CNNM2: variants seen among roughly 807,000 people sequenced by gnomAD.
The protein encoded by CNNM2 is metal transporter CNNM2.
In CNNM2, 12 loss-of-function variants were observed where a neutral mutation model predicts 66.9. The observed-to-expected ratio is 0.18, with a 90% CI of 0.11 to 0.29. CNNM2 has a LOEUF of 0.29. Among genes scored for constraint, CNNM2 ranks in the 10% least tolerant of loss-of-function variants. The pLI, the probability that CNNM2 is intolerant of heterozygous loss-of-function variation, is 1.00. For missense variants in CNNM2, 705 were observed against 1,167.7 expected (o/e 0.60, Z 5.77); for synonymous variants, 557 against 501.8 (o/e 1.11, Z -1.47).
rs1451868189 is a variant in CNNM2 at position 102,931,547 on chromosome 10, G to A, written c.1621+11446G>A. Among the ~76,000 whole-genome samples the A allele has an allele frequency of 6.6e-6, 1 of 151,948 alleles. No homozygotes were observed. Among genetic ancestry groups the A allele is most frequent in the Non-Finnish European group, 1.5e-5 (1 of 67,960 alleles). The stretch of plus-strand genomic sequence containing the variant: ...TAATTTTGTATTTTTAGTAGAGACG[G>A]GGTTTCTCCATGTTGGTCAGGCTGG... On this transcript the variant is annotated intron_variant, in intron 1 of 7. Coordinates refer to ENST00000369878, the MANE Select transcript of CNNM2 (RefSeq NM_017649.5).
In CNNM2 at chr10:102,920,033, A is replaced by G; in HGVS notation, c.1553A>G (p.Tyr518Cys). The G allele has an allele frequency of 1.2e-6, 2 of 1,614,200 alleles. No individual in the cohort carries two copies. Among genetic ancestry groups the G allele is most frequent in the Non-Finnish European group, 1.7e-6 (2 of 1,180,028 alleles). Residue 518 changes from tyrosine (Y) to cysteine (C), a missense_variant, in exon 1 of 8, where the codon TAT becomes TGT. Physicochemically the swap from Tyr to Cys is radical, Grantham distance 194. This residue lies in a region of CNNM2 where 171 missense variants were observed against 304.8 expected (regional missense o/e 0.56). Coordinates refer to ENST00000369878, the MANE Select transcript of CNNM2 (RefSeq NM_017649.5). ...CTPLKTITKFYNHPLHFVFND... is the reference protein window; with the variant it reads ...CTPLKTITKFCNHPLHFVFND... ...CCCCTGAAAACCATCACCAAATTTTATAACCACCCCTTGCACTTTGTTTTC... is the reference window on the plus strand; with the variant it reads ...CCCCTGAAAACCATCACCAAATTTTGTAACCACCCCTTGCACTTTGTTTTC...
chr10:102,995,788 G>A (rs549350503), intron 1 of CNNM2, among the ~76,000 whole-genome samples: 1 of 151,916 alleles, frequency 6.6e-6, no homozygotes, highest in African/African-American at 2.4e-5. Flanking sequence ...GTGCAGTGGC[G>A]TGATCTCGGC....
intron 1 of CNNM2, among the ~76,000 whole-genome samples, chr10:102,969,973 A>G (rs2063524733): frequency 6.6e-6 from 1 of 152,192 alleles, no homozygotes; most frequent in South Asian, 2.1e-4. Context: ...AAAGCTCTTG[A>G]AAGAATTTTT....
intron 6 of CNNM2, among the ~76,000 whole-genome samples, chr10:103,072,533 C>T (rs931520491): frequency 6.6e-6 from 1 of 151,912 alleles, no homozygotes; most frequent in African/African-American, 2.4e-5. Flanking sequence ...GCAGGCGACC[C>T]CGCTTCTCCC....
At chr10:103,005,696 A>G (rs531173457) in intron 1 of CNNM2, among the ~76,000 whole-genome samples, 24 of 152,308 alleles carry the variant, frequency 1.6e-4, no homozygotes, top group Middle Eastern at 3.4e-3. Context: ...ATGGAACAAT[A>G]TTGGTAAATT....
intron 1 of CNNM2, among the ~76,000 whole-genome samples, chr10:103,047,881 C>T (rs759304247): frequency 3.3e-5 from 5 of 152,132 alleles, no homozygotes; most frequent in Admixed American, 1.3e-4. Flanking sequence ...GAAGCTGTTA[C>T]GCTCGTGGCT....
intron 1 of CNNM2, among the ~76,000 whole-genome samples, chr10:102,999,815 C>A (rs1206965781): frequency 2.0e-5 from 3 of 152,170 alleles, no homozygotes; most frequent in African/African-American, 4.8e-5. Context: ...TAGGGAAATG[C>A]AAATTAAAAC....
intron 1 of CNNM2, among the ~76,000 whole-genome samples, chr10:102,950,759 GAAAA>G (rs1455513003): frequency 6.6e-6 from 1 of 151,700 alleles, no homozygotes; most frequent in Non-Finnish European, 1.5e-5. Flanking sequence ...TCAAAAAAAA[GAAAA>G]AGAAAATAAT....
At position 103,085,034 on chromosome 10, in the gene CNNM2, C is replaced by T. The variant is rs915122749; in HGVS notation, c.*7854C>T. On this transcript the variant is annotated 3_prime_UTR_variant, in exon 8 of 8. Coordinates refer to ENST00000369878, the MANE Select transcript of CNNM2 (RefSeq NM_017649.5). ...CTCTTATTTTCAAGCAGTCCCAGGA[C>T]AAAGGGATGGTTCTAGGGCCCTTTT... 6.6e-6 allele frequency: 1 copy of T among 152,118 alleles called. No individual in the cohort carries two copies. Among genetic ancestry groups the T allele is most frequent in the African/African-American group, 2.4e-5 (1 of 41,410 alleles). The allele number at this position is 152,118 out of a possible 1,614,324, so 9.4% of individuals were successfully genotyped here. A position where few individuals can be genotyped will look rare whatever the true frequency, so the allele number is the denominator to read the frequency against.
At chr10:102,939,239 G>A (rs1846343791) in intron 1 of CNNM2, among the ~76,000 whole-genome samples, 1 of 152,192 alleles carries the variant, frequency 6.6e-6, no homozygotes, top group African/African-American at 2.4e-5. Flanking sequence ...TTCAGTGCAG[G>A]ATCAGAGGCT....
Position 103,089,766 on chromosome 10 carries a change from A to G in CNNM2, c.*12586A>G, listed in dbSNP as rs2066211398. 1.2e-6 allele frequency: 2 copies of G among 1,613,926 alleles called. No individual in the cohort carries two copies. Among genetic ancestry groups the G allele is most frequent in the African/African-American group, 1.3e-5 (1 of 74,972 alleles). ...CAGTGGGAAGAGGTTGGGAGGTTTA[A>G]TCTCACTAATTGACCGTGTCAGCTG... On this transcript the variant is annotated 3_prime_UTR_variant, in exon 8 of 8. Transcript: ENST00000369878.
chr10:103,051,169 C>T (rs916126354), intron 2 of CNNM2, among the ~76,000 whole-genome samples: 2 of 152,162 alleles, frequency 1.3e-5, no homozygotes, highest in Non-Finnish European at 2.9e-5. Flanking sequence ...AAACATCCCA[C>T]ATTTTAAAAT....
chr10:103,002,418 G>A (rs2064138577), intron 1 of CNNM2, among the ~76,000 whole-genome samples: 1 of 151,192 alleles, frequency 6.6e-6, no homozygotes. Flanking sequence ...CACTAGGACG[G>A]CTATAATAGA....
At chr10:103,041,218 A>C (rs2065035663) in intron 1 of CNNM2, among the ~76,000 whole-genome samples, 1 of 152,092 alleles carries the variant, frequency 6.6e-6, no homozygotes, top group Admixed American at 6.6e-5. Context: ...GCTGTTGTCA[A>C]CACCCTGACT....
At chr10:103,016,869 C>T (rs1215898903) in intron 1 of CNNM2, among the ~76,000 whole-genome samples, 1 of 152,140 alleles carries the variant, frequency 6.6e-6, no homozygotes, top group African/African-American at 2.4e-5. Context: ...TGCTTCCTGC[C>T]CTGTTGTTTG....
intron 1 of CNNM2, among the ~76,000 whole-genome samples, chr10:102,988,926 A>G (rs1010248377): frequency 3.3e-5 from 5 of 152,168 alleles, no homozygotes; most frequent in African/African-American, 1.2e-4. Context: ...TTCAAAGGGA[A>G]TGATTTTGAC....
chr10:102,971,506 T>G (rs1049724756), intron 1 of CNNM2, among the ~76,000 whole-genome samples: 35 of 152,200 alleles, frequency 2.3e-4, no homozygotes, highest in Non-Finnish European at 5.1e-4. Context: ...TTATTAGGAA[T>G]TTATTTCCTT....
intron 6 of CNNM2, among the ~76,000 whole-genome samples, chr10:103,075,594 G>C (rs760062691): frequency 2.0e-4 from 31 of 152,354 alleles, no homozygotes; most frequent in Admixed American, 3.3e-4. Context: ...GGTTCAGCTA[G>C]AGGGTATGGT....
At chr10:102,952,659 A>ACATAAGT (rs1194455019) in intron 1 of CNNM2, among the ~76,000 whole-genome samples, 1 of 151,130 alleles carries the variant, frequency 6.6e-6, no homozygotes. Flanking sequence ...ATACCCTTTC[A>ACATAAGT]CATAAGTCTG....
Sources: allele counts gnomAD v4.1 joint callset (sites outside exome capture counted in the v4.1 genomes callset), GRCh38; gene constraint gnomAD v4.1.1; regional missense constraint gnomAD v4.1.1; transcripts MANE v1.5; gene names NCBI Gene and HGNC (gene_info 2026-07-23, HGNC 2026-07-21).